G2E3: variants seen among roughly 807,000 people sequenced by gnomAD.
G2E3 encodes G2/M phase-specific E3 ubiquitin-protein ligase.
Under a neutral mutation model 92.8 loss-of-function variants are expected in G2E3, and 35 were observed. That is an observed-to-expected ratio of 0.38 (90% CI 0.29 to 0.50). G2E3 has a LOEUF of 0.50. Among genes scored for constraint, G2E3 ranks in the 20% least tolerant of loss-of-function variants. The pLI, the probability that G2E3 is intolerant of heterozygous loss-of-function variation, is 0.94. For synonymous variants in G2E3, 242 were observed against 272.4 expected, an observed-to-expected ratio of 0.89 and a Z score of 1.10; for missense variants, 554 against 823.8, an observed-to-expected ratio of 0.67 and a Z score of 4.01.
chr14:30,611,002 C>G (rs571792387), intron 12 of G2E3, among the ~76,000 whole-genome samples: 2 of 152,168 alleles, frequency 1.3e-5, no homozygotes, highest in Non-Finnish European at 2.9e-5. Flanking sequence ...CCTCTGTTTT[C>G]GAGATAGAGT....
In G2E3 at chr14:30,601,942, A is replaced by T. The variant is rs201373923; in HGVS notation, c.877+48A>T. On this transcript the variant is annotated intron_variant, in intron 9 of 14. Coordinates refer to ENST00000206595, the MANE Select transcript of G2E3 (RefSeq NM_017769.5). ...TAAAGTTTTTATTCAAATGTATATG[A>T]TTTAAAAGTTTTTACCTATATCTCT... The T allele has an allele frequency of 2.5e-6, 4 of 1,604,440 alleles. No homozygotes were observed. The Admixed American group carries it at 6.7e-5, about 27-fold the overall frequency.
At chr14:30,577,241 AAAG>A (rs1880162467) in intron 1 of G2E3, among the ~76,000 whole-genome samples, 1 of 150,330 alleles carries the variant, frequency 6.7e-6, no homozygotes, top group Admixed American at 6.6e-5. Flanking sequence ...AAAAAAAAAA[AAAG>A]AAAAAGAAAA....
Position 30,616,615 on chromosome 14 carries a change from C to T in G2E3, c.*81C>T. On this transcript the variant is annotated 3_prime_UTR_variant, in exon 15 of 15. Transcript: ENST00000206595. The stretch of plus-strand genomic sequence containing the variant: ...TTTATTTCACTAACCTTTTCATCAT[C>T]ACTTTGAACAAACTAGTTAGCTTCT... The T allele has an allele frequency of 2.0e-6, 2 of 1,003,606 alleles. No homozygotes were observed. Among genetic ancestry groups the T allele is most frequent in the South Asian group, 3.1e-5 (2 of 65,510 alleles). The allele number at this position is 1,003,606 out of a possible 1,614,324, so 62.2% of individuals were successfully genotyped here.
At chr14:30,592,554 A>T (rs1477816403) in intron 5 of G2E3, 107 bp downstream of exon 5, 5 of 834,746 alleles carry the variant, frequency 6.0e-6, no homozygotes, top group African/African-American at 5.3e-5. Flanking sequence ...AGAGCATCAG[A>T]GTTTAGATAT....
intron 1 of G2E3, among the ~76,000 whole-genome samples, chr14:30,568,906 T>C (rs1879594014): frequency 6.6e-6 from 1 of 152,198 alleles, no homozygotes; most frequent in Admixed American, 6.5e-5. Flanking sequence ...TTTCCTCGTA[T>C]GGCTTTGACT....
intron 6 of G2E3, among the ~76,000 whole-genome samples, chr14:30,596,135 CGT>C (rs59672554): frequency 0.22 from 28,102 of 126,864 alleles, 3,213 homozygotes; most frequent in East Asian, 0.46. Flanking sequence ...GGTGGGTGTG[CGT>C]GTGTGTGTGT....
At chr14:30,567,742 G>A (rs1401732906) in intron 1 of G2E3, among the ~76,000 whole-genome samples, 1 of 151,446 alleles carries the variant, frequency 6.6e-6, no homozygotes, top group Non-Finnish European at 1.5e-5. Flanking sequence ...TGTTTTGGGG[G>A]CTTGATTTTA....
chr14:30,588,580 A>G (rs1254856198), intron 3 of G2E3, among the ~76,000 whole-genome samples: 1 of 152,162 alleles, frequency 6.6e-6, no homozygotes, highest in Non-Finnish European at 1.5e-5. Context: ...TTAATATTCT[A>G]TTTCATTATG....
intron 1 of G2E3, among the ~76,000 whole-genome samples, chr14:30,580,554 T>A (rs1479854510): frequency 2.6e-5 from 4 of 152,206 alleles, no homozygotes; most frequent in Non-Finnish European, 4.4e-5. Flanking sequence ...TGGCTATTGA[T>A]GATGTGATTT....
intron 3 of G2E3, among the ~76,000 whole-genome samples, chr14:30,587,448 T>G (rs779519568): frequency 2.6e-5 from 4 of 152,242 alleles, no homozygotes; most frequent in Non-Finnish European, 4.4e-5. Flanking sequence ...ACAGTGTTTC[T>G]TGATACTATA....
intron 8 of G2E3, among the ~76,000 whole-genome samples, chr14:30,599,954 T>G (rs1324252798): frequency 6.6e-6 from 1 of 152,218 alleles, no homozygotes; most frequent in Non-Finnish European, 1.5e-5. Context: ...TTTTGTAATG[T>G]CAGTGGATAC....
chr14:30,580,294 C>T (rs1467750006), intron 1 of G2E3, among the ~76,000 whole-genome samples: 1 of 152,160 alleles, frequency 6.6e-6, no homozygotes, highest in East Asian at 1.9e-4. Context: ...GCAACCTCCA[C>T]CTCCCGAGTT....
intron 1 of G2E3, among the ~76,000 whole-genome samples, chr14:30,561,606 TG>T (rs530630020): frequency 7.0e-4 from 106 of 152,348 alleles, no homozygotes; most frequent in African/African-American, 2.4e-3. Flanking sequence ...ATTTAGCCAT[TG>T]GCCTTTTTAT....
chr14:30,585,287 A>G (rs901607791), intron 2 of G2E3, among the ~76,000 whole-genome samples: 1 of 152,198 alleles, frequency 6.6e-6, no homozygotes, highest in Non-Finnish European at 1.5e-5. Context: ...CTTTCTGCTA[A>G]GAATTTTATT....
rs1201806385 is a variant in G2E3, at chr14:30,616,404, A to G, written c.1991A>G (p.Asn664Ser). 1.2e-6 allele frequency: 2 copies of G among 1,613,004 alleles called. No homozygotes were observed. Among genetic ancestry groups the G allele is most frequent in the African/African-American group, 2.7e-5 (2 of 74,914 alleles). Residue 664 changes from asparagine (N) to serine (S), a missense_variant, in exon 15 of 15, where the codon AAC (asparagine) becomes AGC (serine). Physicochemically the swap from Asn to Ser is conservative, Grantham distance 46. Coordinates refer to ENST00000206595, the MANE Select transcript of G2E3 (RefSeq NM_017769.5). ...ECLHVDFPVG[N>S]KCNNCLAIPI... ...CTGCATGTGGATTTTCCTGTTGGAA[A>G]CAAGTGTAATAACTGTTTAGCAATT... is the stretch of plus-strand genomic sequence containing the variant.
intron 3 of G2E3, among the ~76,000 whole-genome samples, chr14:30,587,756 A>G (rs1880791847): frequency 6.6e-6 from 1 of 152,148 alleles, no homozygotes; most frequent in Admixed American, 6.5e-5. Context: ...GTGGCATGGC[A>G]TCTGGCTTCT....
chr14:30,584,064 G>A (rs775075872), intron 2 of G2E3, among the ~76,000 whole-genome samples: 1 of 152,074 alleles, frequency 6.6e-6, no homozygotes, highest in African/African-American at 2.4e-5. Flanking sequence ...TCTGCTTTTT[G>A]TGTGTCCCTG....
intron 1 of G2E3, among the ~76,000 whole-genome samples, chr14:30,570,881 T>C (rs229190): frequency 0.45 from 68,784 of 151,906 alleles, 18,153 homozygotes; most frequent in African/African-American, 0.72. Context: ...TCTAACTAAG[T>C]CCTTTATCAG....
chr14:30,591,112 C>T (rs1880986776), intron 4 of G2E3: 1 of 172,064 alleles, frequency 5.8e-6, no homozygotes, highest in South Asian at 1.4e-4. Context: ...CATCCGAATC[C>T]TCTCCAAGTA....
Sources: allele counts gnomAD v4.1 joint callset (sites outside exome capture counted in the v4.1 genomes callset), GRCh38; gene constraint gnomAD v4.1.1; transcripts MANE v1.5; gene names NCBI Gene and HGNC (gene_info 2026-07-23, HGNC 2026-07-21).